DERL1: variants seen among roughly 807,000 people sequenced by gnomAD.
The protein encoded by DERL1 is derlin 1, also known as derlin-1.
Under a neutral mutation model 41.6 loss-of-function variants are expected in DERL1, and 24 were observed. The ratio of observed to expected loss-of-function variants is 0.58; its 90% CI spans 0.42 to 0.81. DERL1 has a LOEUF of 0.81. DERL1 is among the 30% of genes least tolerant of loss of function. The pLI, the probability that DERL1 is intolerant of heterozygous loss-of-function variation, is 0.00. For missense variants in DERL1, 260 were observed against 314.3 expected (o/e 0.83, Z 1.31); for synonymous variants, 124 against 112.5 (o/e 1.10, Z -0.65).
At chr8:123,038,120 A>C (rs1370033689) in intron 1 of DERL1, among the ~76,000 whole-genome samples, 1 of 152,216 alleles carries the variant, frequency 6.6e-6, no homozygotes. Flanking sequence ...CTAAACCAAC[A>C]AGCTACACAC....
chr8:123,019,956 CA>C (rs1814714283), intron 6 of DERL1, among the ~76,000 whole-genome samples: 1 of 152,186 alleles, frequency 6.6e-6, no homozygotes, highest in South Asian at 2.1e-4. Flanking sequence ...TGATTCCCGT[CA>C]GGGGCAAATC....
At chr8:123,019,422 G>A (rs900757591) in intron 6 of DERL1, 117 bp from the exon 7 acceptor site, 10 of 689,416 alleles carry the variant, frequency 1.5e-5, no homozygotes, top group Non-Finnish European at 1.7e-5. Context: ...CTGGGAGTCT[G>A]TGAGAGCTGA....
At chr8:123,036,751 G>A (rs1812938293) in intron 1 of DERL1, among the ~76,000 whole-genome samples, 1 of 152,090 alleles carries the variant, frequency 6.6e-6, no homozygotes, top group Non-Finnish European at 1.5e-5. Context: ...GCCAAACCTT[G>A]ATGGATATAG....
At chr8:123,032,331 C>A (rs1812834411) in intron 1 of DERL1, among the ~76,000 whole-genome samples, 1 of 152,046 alleles carries the variant, frequency 6.6e-6, no homozygotes, top group African/African-American at 2.4e-5. Flanking sequence ...TACAGGGTCT[C>A]CTGATGTTGC....
At chr8:123,034,323 G>A (rs1812878164) in intron 1 of DERL1, among the ~76,000 whole-genome samples, 2 of 152,140 alleles carry the variant, frequency 1.3e-5, no homozygotes, top group African/African-American at 4.8e-5. Context: ...TTTAACATTT[G>A]GTTTGATTCA....
intron 1 of DERL1, among the ~76,000 whole-genome samples, chr8:123,040,491 A>T (rs1323561619): frequency 1.3e-5 from 2 of 152,196 alleles, no homozygotes; most frequent in Non-Finnish European, 2.9e-5. Flanking sequence ...CAAGTTGGAG[A>T]GTAGTAGGAG....
intron 2 of DERL1, among the ~76,000 whole-genome samples, chr8:123,027,390 G>A (rs906359430): frequency 2.6e-5 from 4 of 151,730 alleles, no homozygotes; most frequent in Admixed American, 2.0e-4. Context: ...CTAATGGTAG[G>A]GTTTCTTTTG....
rs192406790 is a variant in DERL1 at position 123,042,290 on chromosome 8, G to A, written c.-168C>T. ...GTGGCGCCACCGAATTCGGACCAGC[G>A]AGGCAGCCTTCTGAGGCGAAACTTC... On this transcript the variant is annotated 5_prime_UTR_variant, in exon 1 of 8. Transcript: ENST00000259512. The A allele has an allele frequency of 3.2e-6, 3 of 929,984 alleles. No homozygotes were observed. The highest frequency in any genetic ancestry group is 1.7e-5 in the African/African-American group (1 of 58,844). The allele number at this position is 929,984 out of a possible 1,614,324, so 57.6% of individuals were successfully genotyped here.
At chr8:123,022,838 A>T in intron 4 of DERL1, 59 bp from the exon 5 acceptor site, 1 of 1,427,556 alleles carries the variant, frequency 7.0e-7, no homozygotes. Flanking sequence ...AAAGGTGTAC[A>T]TCTACTATGC....
intron 1 of DERL1, among the ~76,000 whole-genome samples, chr8:123,031,499 C>T (rs935669758): frequency 6.6e-6 from 1 of 152,016 alleles, no homozygotes; most frequent in African/African-American, 2.4e-5. Context: ...AAGCCAAGAT[C>T]GCGCCACTAC....
chr8:123,032,655 T>TG (rs2130487645), intron 1 of DERL1, among the ~76,000 whole-genome samples: 1 of 152,338 alleles, frequency 6.6e-6, no homozygotes, highest in African/African-American at 2.4e-5. Flanking sequence ...ATCCAAGGAA[T>TG]GAGGAAGAGA....
At chr8:123,016,472 A>C (rs905223405) in intron 7 of DERL1, 1 of 152,212 alleles carries the variant, frequency 6.6e-6, no homozygotes, top group African/African-American at 2.4e-5. Context: ...AGAAACCCTG[A>C]AGAGGACAGG....
intron 1 of DERL1, among the ~76,000 whole-genome samples, chr8:123,032,148 C>CG (rs879420402): frequency 3.3e-5 from 5 of 151,212 alleles, no homozygotes; most frequent in Non-Finnish European, 7.4e-5. Flanking sequence ...TTTTTTTTCC[C>CG]CCCCGAGATA....
At chr8:123,036,264 T>C (rs1812926250) in intron 1 of DERL1, among the ~76,000 whole-genome samples, 1 of 151,982 alleles carries the variant, frequency 6.6e-6, no homozygotes, top group Non-Finnish European at 1.5e-5. Flanking sequence ...GCTGAATGAG[T>C]AAATAAATTG....
At chr8:123,041,676 A>G (rs1813075249) in intron 1 of DERL1, among the ~76,000 whole-genome samples, 1 of 152,236 alleles carries the variant, frequency 6.6e-6, no homozygotes, top group Admixed American at 6.5e-5. Flanking sequence ...ACAACTACCA[A>G]CGACTAATCT....
chr8:123,030,688 T>C lies in DERL1; in HGVS notation c.182A>G (p.Tyr61Cys). Residue 61 changes from tyrosine (Y) to cysteine (C), a missense_variant, in exon 2 of 8, where the codon TAT becomes TGT. Coordinates refer to ENST00000259512, the MANE Select transcript of DERL1 (RefSeq NM_024295.6). ...TCCAGTTCCTGGACCCACAGGGAAATAAAAGGTGGCAGTGATTGGCCTCCA... is the reference window on the plus strand; with the variant it reads ...TCCAGTTCCTGGACCCACAGGGAAACAAAAGGTGGCAGTGATTGGCCTCCA... ...QIWRPITATF[Y>C]FPVGPGTGFL... 1.9e-6 allele frequency: 3 copies of C among 1,612,894 alleles called. No individual in the cohort carries two copies. Among genetic ancestry groups the C allele is most frequent in the Non-Finnish European group, 2.5e-6 (3 of 1,179,594 alleles).
At chr8:123,022,557 G>A in intron 5 of DERL1, 127 bp downstream of exon 5, 1 of 813,956 alleles carries the variant, frequency 1.2e-6, no homozygotes, top group Non-Finnish European at 2.0e-6. Flanking sequence ...AGGGCAGAAA[G>A]GGGCTTGCCT....
At chr8:123,022,153 T>C (rs1441477642) in intron 5 of DERL1, among the ~76,000 whole-genome samples, 1 of 152,170 alleles carries the variant, frequency 6.6e-6, no homozygotes, top group Non-Finnish European at 1.5e-5. Context: ...ACACAAAGTA[T>C]TGAAAAAGCC....
chr8:123,035,513 T>A (rs1165413892), intron 1 of DERL1, among the ~76,000 whole-genome samples: 2 of 152,190 alleles, frequency 1.3e-5, no homozygotes, highest in Non-Finnish European at 2.9e-5. Flanking sequence ...GGCAGCCAAC[T>A]GCAGCACAAA....
Sources: allele counts gnomAD v4.1 joint callset (sites outside exome capture counted in the v4.1 genomes callset), GRCh38; gene constraint gnomAD v4.1.1; transcripts MANE v1.5; gene names NCBI Gene and HGNC (gene_info 2026-07-23, HGNC 2026-07-21).